Variants in CTNNA3 observed in about 807,000 individuals in gnomAD.
CTNNA3 encodes the protein catenin alpha-3.
CTNNA3 carries 76 observed loss-of-function variants against 95.7 expected under a neutral mutation model. The ratio of observed to expected loss-of-function variants is 0.79; its 90% CI spans 0.66 to 0.96. CTNNA3 has a LOEUF of 0.96. Among genes scored for constraint, CTNNA3 ranks in the 40% least tolerant of loss-of-function variants. The probability of loss-of-function intolerance (pLI) is 0.00; values close to 1 mark genes in which losing one functional copy is unlikely to be tolerated. For synonymous variants in CTNNA3, 431 were observed against 374.4 expected (o/e 1.15, Z -1.74); for missense variants, 1,191 against 1,089.8 (o/e 1.09, Z -1.31).
rs1431954049 is a variant in CTNNA3, at chr10:67,691,640, G to C, written c.-6+4360C>G. On this transcript the variant is annotated intron_variant, in intron 1 of 17. Coordinates refer to ENST00000433211, the MANE Select transcript of CTNNA3 (RefSeq NM_013266.4). ...GCAACCGCCCCGTCTGAGAAGTGAG[G>C]AGCCCCTCCGCCCGGCAGCCGCCCC... is the stretch of plus-strand genomic sequence containing the variant. Among the ~76,000 whole-genome samples the C allele has an allele frequency of 3.9e-5, 6 of 151,900 alleles. No individual in the cohort carries two copies. In the East Asian group the frequency reaches 1.2e-3, roughly 30 times the overall value.
chr10:66,165,279 A>G (rs750287092), intron 13 of CTNNA3, among the ~76,000 whole-genome samples: 29 of 152,154 alleles, frequency 1.9e-4, no homozygotes, highest in Non-Finnish European at 3.7e-4. Flanking sequence ...AGATGGCAAC[A>G]GTAGACACTG....
At chr10:66,469,279 G>A (rs1290173462) in intron 11 of CTNNA3, among the ~76,000 whole-genome samples, 1 of 151,914 alleles carries the variant, frequency 6.6e-6, no homozygotes, top group East Asian at 1.9e-4. Context: ...AATGAGTGCA[G>A]AATATTTGAA....
intron 11 of CTNNA3, among the ~76,000 whole-genome samples, chr10:66,445,917 A>G (rs931808411): frequency 3.9e-5 from 6 of 152,194 alleles, no homozygotes; most frequent in African/African-American, 1.4e-4. Context: ...CAAAATTGAT[A>G]GACCGCTATC....
At chr10:67,401,729 T>G (rs1225295843) in intron 5 of CTNNA3, among the ~76,000 whole-genome samples, 4 of 152,070 alleles carry the variant, frequency 2.6e-5, no homozygotes, top group Admixed American at 2.6e-4. Context: ...CAGCTGCAAA[T>G]GTTAACATAG....
At chr10:66,596,905 C>G (rs1163609586) in intron 10 of CTNNA3, among the ~76,000 whole-genome samples, 1 of 151,390 alleles carries the variant, frequency 6.6e-6, no homozygotes, top group African/African-American at 2.4e-5. Flanking sequence ...CAGTGAACCA[C>G]CAGAGAACAC....
intron 12 of CTNNA3, among the ~76,000 whole-genome samples, chr10:66,309,924 AATAAAT>A (rs2091991268): frequency 2.7e-5 from 3 of 109,466 alleles, no homozygotes; most frequent in Admixed American, 8.2e-5. Flanking sequence ...TAAATAAATA[AATAAAT>A]AAATAAATAA....
intron 12 of CTNNA3, among the ~76,000 whole-genome samples, chr10:66,317,711 T>C (rs543084483): frequency 4.0e-4 from 61 of 152,042 alleles, no homozygotes; most frequent in African/African-American, 1.3e-3. Flanking sequence ...AAAGAAATTT[T>C]ATAATTTATA....
chr10:66,967,595 G>A (rs560466795), intron 7 of CTNNA3, among the ~76,000 whole-genome samples: 10 of 151,826 alleles, frequency 6.6e-5, no homozygotes, highest in African/African-American at 9.7e-5. Context: ...CATATGAGGC[G>A]GGACTATGTA....
chr10:66,627,238 T>C (rs1223661234), intron 9 of CTNNA3, among the ~76,000 whole-genome samples: 5 of 152,114 alleles, frequency 3.3e-5, no homozygotes, highest in African/African-American at 7.2e-5. Context: ...CAAAATCCAT[T>C]CCTCCCTTTG....
chr10:66,199,788 TATATATATA>T (rs2131910358), intron 13 of CTNNA3, among the ~76,000 whole-genome samples: 1 of 13,698 alleles, frequency 7.3e-5, no homozygotes, highest in South Asian at 5.2e-3. Context: ...TATATATATA[TATATATATA>T]TATATATATT....
At chr10:66,105,759 G>A (rs746628231) in intron 13 of CTNNA3, among the ~76,000 whole-genome samples, 2 of 152,242 alleles carry the variant, frequency 1.3e-5, no homozygotes, top group Non-Finnish European at 1.5e-5. Context: ...CAGTGGGGAA[G>A]TGTTCAAAAC....
rs201130770 is a variant in CTNNA3, at chr10:66,110,943, T to C, written c.1885-7694A>G. The stretch of plus-strand genomic sequence containing the variant: ...TGGCATGTTACTGTACTGAATACTA[T>C]AGGCAACTGTAACACAGTGGTAAAT... On this transcript the variant is annotated intron_variant, in intron 13 of 17. Transcript: ENST00000433211. Among the ~76,000 whole-genome samples, 8 of 152,320 alleles carry C rather than the reference T, an allele frequency of 5.3e-5. No homozygotes were observed. In the East Asian group the frequency reaches 1.5e-3, roughly 29 times the overall value.
intron 7 of CTNNA3, among the ~76,000 whole-genome samples, chr10:66,833,383 T>C (rs900594743): frequency 1.2e-4 from 18 of 152,332 alleles, no homozygotes; most frequent in African/African-American, 3.8e-4. Flanking sequence ...TATATCTCTA[T>C]AATAAGCATA....
At chr10:66,693,584 T>C (rs1279869911) in intron 9 of CTNNA3, among the ~76,000 whole-genome samples, 2 of 151,866 alleles carry the variant, frequency 1.3e-5, no homozygotes, top group African/African-American at 2.4e-5. Flanking sequence ...TACCCAGGAA[T>C]TGAACTCAGT....
chr10:66,229,069 A>T (rs1362765604), intron 13 of CTNNA3, among the ~76,000 whole-genome samples: 1 of 152,158 alleles, frequency 6.6e-6, no homozygotes, highest in Non-Finnish European at 1.5e-5. Flanking sequence ...TAGTTAGGTC[A>T]ATTTTTTAAA....
chr10:66,205,848 TAAG>T (rs757043326), intron 13 of CTNNA3, among the ~76,000 whole-genome samples: 11 of 151,962 alleles, frequency 7.2e-5, no homozygotes, highest in Non-Finnish European at 1.6e-4. Context: ...ACAGAACTTT[TAAG>T]AATAGTAAAG....
chr10:66,310,575 T>TCTGTG (rs1270036013), intron 12 of CTNNA3, among the ~76,000 whole-genome samples: 1 of 87,930 alleles, frequency 1.1e-5, no homozygotes, highest in Non-Finnish European at 2.5e-5. Context: ...CTAGAATGTT[T>TCTGTG]TATTCTGTGT....
intron 15 of CTNNA3, among the ~76,000 whole-genome samples, chr10:66,047,045 G>A (rs934094479): frequency 6.6e-6 from 1 of 152,068 alleles, no homozygotes; most frequent in Non-Finnish European, 1.5e-5. Context: ...AATTCTACTA[G>A]ATGTACAAAG....
rs181028374 is a variant in CTNNA3, at chr10:66,438,180, G to A, written c.1532-58828C>T. ...CTAGTCAGGAGGCACCGGGTTCAGG[G>A]ACCCACTTGAGGAGGCAGTCTGTCC... is the stretch of plus-strand genomic sequence containing the variant. On this transcript the variant is annotated intron_variant, in intron 11 of 17. Transcript: ENST00000433211. Among the ~76,000 whole-genome samples the A allele has an allele frequency of 1.0e-3, 153 of 152,288 alleles. 1 individual carries two copies. Among genetic ancestry groups the A allele is most frequent in the African/African-American group, 3.3e-3 (139 of 41,576 alleles).
Sources: gnomAD v4.1 joint callset for allele counts (sites outside exome capture counted in the v4.1 genomes callset) on GRCh38, gnomAD v4.1.1 for gene constraint, MANE v1.5 for transcripts, NCBI Gene and HGNC (gene_info 2026-07-23, HGNC 2026-07-21) for gene names.